The following GTF2E2 variants were observed in gnomAD, a reference collection of about 807,000 sequenced individuals.
The protein encoded by GTF2E2 is general transcription factor IIE subunit 2, also known as transcription initiation factor IIE subunit beta.
GTF2E2 carries 21 observed loss-of-function variants against 40.5 expected under a neutral mutation model. That is an observed-to-expected ratio of 0.52 (90% CI 0.37 to 0.75). GTF2E2 has a LOEUF of 0.75. GTF2E2 is among the 30% of genes least tolerant of loss of function. The pLI, the probability that GTF2E2 is intolerant of heterozygous loss-of-function variation, is 0.00. For synonymous variants in GTF2E2, 117 were observed against 121.6 expected, an observed-to-expected ratio of 0.96 and a Z score of 0.25; for missense variants, 298 against 338.4, an observed-to-expected ratio of 0.88 and a Z score of 0.94.
At chr8:30,580,123 G>A (rs780368413) in intron 7 of GTF2E2, among the ~76,000 whole-genome samples, 158 bp downstream of exon 7, 5 of 152,114 alleles carry the variant, frequency 3.3e-5, no homozygotes, top group East Asian at 1.9e-4. Flanking sequence ...CACCGAGGGC[G>A]GGTCTGCAGG....
intron 6 of GTF2E2, among the ~76,000 whole-genome samples, chr8:30,605,174 C>G (rs1554554834): frequency 6.6e-6 from 1 of 152,216 alleles, no homozygotes; most frequent in Non-Finnish European, 1.5e-5. Context: ...ACATGCTACA[C>G]TATGCTGCCA....
intron 6 of GTF2E2, among the ~76,000 whole-genome samples, chr8:30,605,391 ATAT>A (rs1217622973): frequency 6.6e-6 from 1 of 152,236 alleles, no homozygotes; most frequent in African/African-American, 2.4e-5. Context: ...TAGCATAAGC[ATAT>A]TATTAGCAAT....
intron 6 of GTF2E2, among the ~76,000 whole-genome samples, chr8:30,600,393 A>ACTTTC (rs1563480734): frequency 6.6e-6 from 1 of 152,192 alleles, no homozygotes; most frequent in African/African-American, 2.4e-5. Flanking sequence ...CCATGTTCTT[A>ACTTTC]CTTTCCACCA....
chr8:30,632,229 A>T (rs980595156), intron 3 of GTF2E2, among the ~76,000 whole-genome samples: 5 of 152,264 alleles, frequency 3.3e-5, no homozygotes, highest in African/African-American at 1.2e-4. Context: ...TTAAATTATT[A>T]CAAAAATTGA....
chr8:30,590,546 C>CT (rs1297306492), intron 6 of GTF2E2, among the ~76,000 whole-genome samples: 1 of 152,112 alleles, frequency 6.6e-6, no homozygotes, highest in Admixed American at 6.5e-5. Context: ...AACAAAAACT[C>CT]TAACTCCTAG....
chr8:30,628,938 A>AG (rs1801360906), intron 3 of GTF2E2, among the ~76,000 whole-genome samples: 1 of 152,096 alleles, frequency 6.6e-6, no homozygotes, highest in Non-Finnish European at 1.5e-5. Flanking sequence ...CTCAAAAAAA[A>AG]AAAAAAAAAA....
chr8:30,591,349 C>T (rs1185956892), intron 6 of GTF2E2, among the ~76,000 whole-genome samples: 2 of 151,864 alleles, frequency 1.3e-5, no homozygotes, highest in Admixed American at 6.6e-5. Context: ...ACCCAGGTAC[C>T]GTGGCACACC....
At chr8:30,648,030 T>A (rs1802154566) in intron 2 of GTF2E2, among the ~76,000 whole-genome samples, 1 of 152,148 alleles carries the variant, frequency 6.6e-6, no homozygotes, top group East Asian at 1.9e-4. Context: ...AACTCAAAGG[T>A]TATACAGTGA....
intron 3 of GTF2E2, among the ~76,000 whole-genome samples, chr8:30,625,852 G>A (rs965186197): frequency 9.2e-5 from 14 of 152,158 alleles, no homozygotes; most frequent in African/African-American, 3.1e-4. Flanking sequence ...GCCCGCCTCA[G>A]CCTCCCAAAG....
rs1829339907 is a variant in GTF2E2, at chr8:30,607,160, A to G, written c.550-10T>C. The G allele has an allele frequency of 1.8e-6, 2 of 1,112,456 alleles. No individual in the cohort carries two copies. Among genetic ancestry groups the G allele is most frequent in the African/African-American group, 1.6e-5 (1 of 62,744 alleles). The allele number at this position is 1,112,456 out of a possible 1,614,324, so 68.9% of individuals were successfully genotyped here. A position where few individuals can be genotyped will look rare whatever the true frequency, so the allele number is the denominator to read the frequency against. Reference sequence around the variant, plus strand: ...TCTGGTCCCCCAAAGCCTTAAAGATAGATAAAATAAAGATTTTTCAGTTAA... The same window carrying G: ...TCTGGTCCCCCAAAGCCTTAAAGATGGATAAAATAAAGATTTTTCAGTTAA... On this transcript the variant is annotated splice_polypyrimidine_tract_variant and intron_variant, in intron 5 of 7. Transcript: ENST00000355904.
chr8:30,585,772 TAAAAAAAAAA>T (rs146018850), intron 6 of GTF2E2, among the ~76,000 whole-genome samples: 9 of 67,620 alleles, frequency 1.3e-4, no homozygotes, highest in East Asian at 8.5e-4. Flanking sequence ...CTTTGCCCTT[TAAAAAAAAAA>T]AAAAAAAAAA....
rs62505275 is a variant in GTF2E2, at chr8:30,580,122, C to T, written c.759+159G>A. 0.22 allele frequency among the ~76,000 whole-genome samples: 32,774 copies of T among 152,064 alleles called. 4,040 individuals carry two copies. The highest frequency in any genetic ancestry group is 0.38 in the South Asian group (1,843 of 4,822). On this transcript the variant is annotated intron_variant, in intron 7 of 7. Coordinates refer to ENST00000355904, the MANE Select transcript of GTF2E2 (RefSeq NM_002095.6). ...CACAGGCCTGGAGCAGCACCGAGGG[C>T]GGGTCTGCAGGCCTGCAATACCTCA...
chr8:30,607,512 C>T (rs1829352977), intron 5 of GTF2E2, among the ~76,000 whole-genome samples: 2 of 152,170 alleles, frequency 1.3e-5, no homozygotes, highest in Non-Finnish European at 2.9e-5. Flanking sequence ...AACTCCTGGG[C>T]TCAAGCGATC....
At chr8:30,645,695 T>C (rs1802049701) in intron 2 of GTF2E2, 1 of 1,212,162 alleles carries the variant, frequency 8.2e-7, no homozygotes, top group African/African-American at 1.5e-5. Flanking sequence ...AAACAAATTC[T>C]GACTGAATGG....
At position 30,595,968 on chromosome 8, in the gene GTF2E2, T is replaced by A. The variant is rs943989587; in HGVS notation, c.643+11089A>T. ...TTTCTCCCTTTTGGCCATTTAAAGATGTGCTGCATTATCTTTCGGTCTGCA... is the reference window on the plus strand; with the variant it reads ...TTTCTCCCTTTTGGCCATTTAAAGAAGTGCTGCATTATCTTTCGGTCTGCA... On this transcript the variant is annotated intron_variant, in intron 6 of 7. Coordinates refer to ENST00000355904, the MANE Select transcript of GTF2E2 (RefSeq NM_002095.6). Among the ~76,000 whole-genome samples, 75 of 152,362 alleles carry A rather than the reference T, an allele frequency of 4.9e-4. 1 individual carries two copies. The highest frequency in any genetic ancestry group is 3.4e-3 in the Middle Eastern group (1 of 294).
At chr8:30,622,857 T>A (rs891109446) in intron 3 of GTF2E2, among the ~76,000 whole-genome samples, 1 of 152,084 alleles carries the variant, frequency 6.6e-6, no homozygotes, top group African/African-American at 2.4e-5. Context: ...TAAGGTTATC[T>A]CTCTTATTCC....
intron 3 of GTF2E2, among the ~76,000 whole-genome samples, chr8:30,625,905 T>C (rs1232618833): frequency 6.6e-6 from 1 of 152,170 alleles, no homozygotes; most frequent in Admixed American, 6.5e-5. Flanking sequence ...AGCCTGCCAC[T>C]ATCCGTTTTT....
At chr8:30,612,713 A>C (rs1829515927) in intron 4 of GTF2E2, among the ~76,000 whole-genome samples, 1 of 151,820 alleles carries the variant, frequency 6.6e-6, no homozygotes, top group African/African-American at 2.4e-5. Flanking sequence ...CACCCAGCGA[A>C]TTTTTGTATT....
At chr8:30,606,156 T>A (rs1466753963) in intron 6 of GTF2E2, among the ~76,000 whole-genome samples, 1 of 152,178 alleles carries the variant, frequency 6.6e-6, no homozygotes, top group Non-Finnish European at 1.5e-5. Context: ...AACAACAACA[T>A]CAAAGAACTG....
Sources: gnomAD v4.1 joint callset for allele counts (sites outside exome capture counted in the v4.1 genomes callset) on GRCh38, gnomAD v4.1.1 for gene constraint, MANE v1.5 for transcripts, NCBI Gene and HGNC (gene_info 2026-07-23, HGNC 2026-07-21) for gene names.